Variants in SARDH observed in about 807,000 individuals in gnomAD.
The protein encoded by SARDH is sarcosine dehydrogenase, mitochondrial.
In SARDH, 95 loss-of-function variants were observed where a neutral mutation model predicts 109.1. The ratio of observed to expected loss-of-function variants is 0.87; its 90% CI spans 0.74 to 1.03. The LOEUF (loss-of-function observed/expected upper bound fraction) is 1.03. Ranked by LOEUF, SARDH falls within the 50% of genes least tolerant of loss-of-function variation. The pLI is 0.00. For missense variants in SARDH, 1,267 were observed against 1,287.8 expected (o/e 0.98, Z 0.25); for synonymous variants, 572 against 534.8 (o/e 1.07, Z -0.96).
rs1831827426 is a variant in SARDH at position 133,709,355 on chromosome 9, G to C, written c.1329-927C>G. 6.6e-6 allele frequency among the ~76,000 whole-genome samples: 1 copy of C among 152,148 alleles called. No individual in the cohort carries two copies. The highest frequency in any genetic ancestry group is 1.5e-5 in the Non-Finnish European group (1 of 68,030). On this transcript the variant is annotated intron_variant, in intron 10 of 20. Transcript: ENST00000439388. This position sits in a 1 kb window ranked among gnomAD's most constrained non-coding sequence, Gnocchi z 4.2. ...CCAGCCACCCGTCCCGAATCCGACA[G>C]TGCGGAACTGCTGGCTGGAGTGAGA...
chr9:133,674,453 T>C (rs749326364), intron 17 of SARDH, among the ~76,000 whole-genome samples: 2 of 152,252 alleles, frequency 1.3e-5, no homozygotes, highest in Non-Finnish European at 2.9e-5. Flanking sequence ...CACAGAATTA[T>C]GGAAGATCAG....
At chr9:133,708,227 G>T in intron 11 of SARDH, 60 bp downstream of exon 11, 1 of 1,553,926 alleles carries the variant, frequency 6.4e-7, no homozygotes, top group South Asian at 1.2e-5. Context: ...TCACTCCGCT[G>T]CCCTGAGGAC....
Position 133,734,551 on chromosome 9 carries a change from A to C in SARDH, c.-30-348T>G, listed in dbSNP as rs192154704. Among the ~76,000 whole-genome samples the C allele has an allele frequency of 2.7e-3, 414 of 152,310 alleles. 1 individual carries two copies. The highest frequency in any genetic ancestry group is 0.01 in the Middle Eastern group (3 of 294). On this transcript the variant is annotated intron_variant, in intron 1 of 20. Coordinates refer to ENST00000439388, the MANE Select transcript of SARDH (RefSeq NM_001134707.2). ...GTGCCCGGGAGCAACCTTGGTGAGG[A>C]TAGGTCTCTGCCAGCCCACAGAAAA...
At position 133,738,269 on chromosome 9, in the gene SARDH, G is replaced by T. The variant is rs1403358393; in HGVS notation, c.-46C>A. 2 of 152,442 alleles carry T rather than the reference G, an allele frequency of 1.3e-5. No individual in the cohort carries two copies. The highest frequency in any genetic ancestry group is 2.9e-5 in the Non-Finnish European group (2 of 68,206). The allele number at this position is 152,442 out of a possible 1,614,324, so 9.4% of individuals were successfully genotyped here. A position where few individuals can be genotyped will look rare whatever the true frequency, so the allele number is the denominator to read the frequency against. ...CTCCAAGTACCTCTTGTCAGCTGCA[G>T]TGCCCCTCGGCCCTAAGAGTGCTTG... On this transcript the variant is annotated 5_prime_UTR_variant, in exon 1 of 21. The change creates a new upstream start codon in the 5' untranslated region. Coordinates refer to ENST00000439388, the MANE Select transcript of SARDH (RefSeq NM_001134707.2).
chr9:133,735,627 A>T (rs928374408), intron 1 of SARDH, among the ~76,000 whole-genome samples: 1 of 152,190 alleles, frequency 6.6e-6, no homozygotes, highest in Non-Finnish European at 1.5e-5. Context: ...TCGTTCAAGC[A>T]AAGCTGTCTG....
At position 133,692,353 on chromosome 9, in the gene SARDH, C is replaced by CA. The variant is rs1831129770; in HGVS notation, c.1922-1827_1922-1826insT. 1.3e-5 allele frequency among the ~76,000 whole-genome samples: 2 copies of CA among 152,052 alleles called. No homozygotes were observed. The highest frequency in any genetic ancestry group is 4.8e-5 in the African/African-American group (2 of 41,356). On this transcript the variant is annotated intron_variant, in intron 15 of 20. Transcript: ENST00000439388. This position sits in a 1 kb window ranked among gnomAD's most constrained non-coding sequence, Gnocchi z 5.0. ...CTGCGGCTATGGGCTGTGCCTGGGC[C>CA]GCCCCTCTACTGGGGGCTGATGCCT...
chr9:133,711,924 C>A (rs545914362), intron 10 of SARDH, among the ~76,000 whole-genome samples: 3 of 152,204 alleles, frequency 2.0e-5, no homozygotes, highest in Non-Finnish European at 2.9e-5. Flanking sequence ...GAGCCTCCCC[C>A]CTTGCCGGGG....
At chr9:133,675,040 C>T (rs1053914910) in intron 17 of SARDH, among the ~76,000 whole-genome samples, 1 of 152,052 alleles carries the variant, frequency 6.6e-6, no homozygotes, top group African/African-American at 2.4e-5. Flanking sequence ...AGTCAAATAC[C>T]ACCATTAAAA....
intron 16 of SARDH, among the ~76,000 whole-genome samples, chr9:133,689,703 G>A (rs995147392): frequency 1.3e-5 from 2 of 151,606 alleles, no homozygotes; most frequent in African/African-American, 2.4e-5. Context: ...CTCCACTGGT[G>A]GCTGCTAACA....
chr9:133,661,339 C>CAA (rs748291485), downstream of SARDH, among the ~76,000 whole-genome samples: 22 of 140,240 alleles, frequency 1.6e-4, 1 homozygote, highest in East Asian at 4.3e-3. Flanking sequence ...AACCCTGTCT[C>CAA]AAAAAAAAAA....
intron 6 of SARDH, among the ~76,000 whole-genome samples, chr9:133,719,790 A>G (rs981750083): frequency 2.6e-5 from 4 of 152,116 alleles, no homozygotes; most frequent in African/African-American, 4.8e-5. Context: ...CAAGCCTCCA[A>G]TCACACTGCT....
intron 17 of SARDH, among the ~76,000 whole-genome samples, chr9:133,681,899 CCT>C (rs1448574482): frequency 3.3e-5 from 5 of 152,162 alleles, no homozygotes; most frequent in Non-Finnish European, 7.4e-5. Flanking sequence ...TCCCACCTCC[CCT>C]GTGTTTCCCC....
At chr9:133,719,081 C>T (rs754389121) in intron 6 of SARDH, 39 bp from the exon 7 acceptor site, 1 of 1,572,518 alleles carries the variant, frequency 6.4e-7, no homozygotes, top group Non-Finnish European at 8.7e-7. Context: ...TCATCCAGAA[C>T]TGGGTGGGGA....
chr9:133,712,680 C>T lies in SARDH; in HGVS notation c.1267G>A (p.Glu423Lys). The change falls in exon 10 of 21, where the codon GAG becomes AAG. Residue 423 changes from glutamate (E) to lysine (K), a missense_variant. Physicochemically the swap from Glu to Lys is moderately conservative, Grantham distance 56. Coordinates refer to ENST00000439388, the MANE Select transcript of SARDH (RefSeq NM_001134707.2). This position sits in a 1 kb window ranked among gnomAD's most constrained non-coding sequence, Gnocchi z 4.1. ...GMMLGGGCGQELAHWIIHGRP... is the reference protein window; with the variant it reads ...GMMLGGGCGQKLAHWIIHGRP... ...CCATGGATGATCCAGTGGGCCAGCT[C>T]CTGCCCACAGCCACCACCCAGCATC... The T allele has an allele frequency of 1.2e-6, 2 of 1,610,228 alleles. No individual in the cohort carries two copies. Among genetic ancestry groups the T allele is most frequent in the Non-Finnish European group, 1.7e-6 (2 of 1,179,988 alleles).
chr9:133,709,344 C>T lies in SARDH; in HGVS notation c.1329-916G>A, dbSNP rs778334325. Among the ~76,000 whole-genome samples the T allele has an allele frequency of 3.3e-5, 5 of 152,146 alleles. No homozygotes were observed. The highest frequency in any genetic ancestry group is 9.7e-5 in the African/African-American group (4 of 41,434). On this transcript the variant is annotated intron_variant, in intron 10 of 20. Transcript: ENST00000439388. The surrounding 1 kb of genome is among the most constrained non-coding windows in gnomAD (Gnocchi z 4.2). Reference sequence around the variant, plus strand: ...GTCTCCTCAGACCAGCCACCCGTCCCGAATCCGACAGTGCGGAACTGCTGG... The same window carrying T: ...GTCTCCTCAGACCAGCCACCCGTCCTGAATCCGACAGTGCGGAACTGCTGG...
At chr9:133,669,727 G>A (rs1381120299) in intron 19 of SARDH, among the ~76,000 whole-genome samples, 1 of 152,188 alleles carries the variant, frequency 6.6e-6, no homozygotes. Flanking sequence ...CTGCTCCTTG[G>A]CACCATGTGG....
intron 15 of SARDH, 66 bp from the exon 16 acceptor site, chr9:133,690,593 G>A: frequency 3.9e-6 from 6 of 1,545,798 alleles, no homozygotes; most frequent in Non-Finnish European, 5.3e-6. Context: ...CAGAGAGGGT[G>A]GCCCAAGGGT....
intron 17 of SARDH, among the ~76,000 whole-genome samples, chr9:133,681,331 A>G (rs535711259): frequency 5.4e-4 from 82 of 152,280 alleles, no homozygotes; most frequent in Non-Finnish European, 9.1e-4. Context: ...TTTCTAGCCA[A>G]GAGGTCGAGA....
chr9:133,705,089 G>T (rs1427566766), intron 11 of SARDH, 58 bp from the exon 12 acceptor site: 2 of 1,493,268 alleles, frequency 1.3e-6, no homozygotes, highest in African/African-American at 2.8e-5. Context: ...CCTGCGCAGG[G>T]CAGAGAGCCA....
Sources: allele counts gnomAD v4.1 joint callset (sites outside exome capture counted in the v4.1 genomes callset), GRCh38; gene constraint gnomAD v4.1.1; non-coding constraint Gnocchi (gnomAD v3.1); transcripts MANE v1.5; gene names NCBI Gene and HGNC (gene_info 2026-07-23, HGNC 2026-07-21).